The following MED30 variants were observed in gnomAD, a reference collection of about 807,000 sequenced individuals.
MED30 encodes the protein mediator complex subunit 30.
MED30 carries 8 observed loss-of-function variants against 21.7 expected under a neutral mutation model. The ratio of observed to expected loss-of-function variants is 0.37; its 90% CI spans 0.22 to 0.67. The LOEUF (loss-of-function observed/expected upper bound fraction) is 0.67. Among genes scored for constraint, MED30 ranks in the 30% least tolerant of loss-of-function variants. The pLI, the probability that MED30 is intolerant of heterozygous loss-of-function variation, is 0.58. For missense variants in MED30, 203 were observed against 228.2 expected (o/e 0.89, Z 0.71); for synonymous variants, 79 against 86.7 (o/e 0.91, Z 0.49).
intron 3 of MED30, among the ~76,000 whole-genome samples, chr8:117,533,775 G>A (rs557326069): frequency 6.6e-6 from 1 of 152,126 alleles, no homozygotes; most frequent in African/African-American, 2.4e-5. Flanking sequence ...GGTCTGGATG[G>A]AATGCTGGCT....
chr8:117,539,264 C>T (rs903973825), intron 3 of MED30, among the ~76,000 whole-genome samples: 2 of 152,122 alleles, frequency 1.3e-5, no homozygotes, highest in African/African-American at 4.8e-5. Flanking sequence ...GAGGCCAAGA[C>T]GGGCAGATCA....
rs548374393 is a variant in MED30, at chr8:117,538,525, T to C, written c.442-1358T>C. Among the ~76,000 whole-genome samples, 14 of 152,290 alleles carry C rather than the reference T, an allele frequency of 9.2e-5. No individual in the cohort carries two copies. The South Asian group carries it at 2.5e-3, about 27-fold the overall frequency. Reference sequence around the variant, plus strand: ...AAATCAAAAGTAAGATTGTTAGGCCTCTTTTTAATAAGCATACACCAATTT... The same window carrying C: ...AAATCAAAAGTAAGATTGTTAGGCCCCTTTTTAATAAGCATACACCAATTT... On this transcript the variant is annotated intron_variant, in intron 3 of 3. Transcript: ENST00000297347.
At position 117,540,222 on chromosome 8, in the gene MED30, GTTT is replaced by G. The variant is rs562042715; in HGVS notation, c.*249_*251del. 4.2e-6 allele frequency: 1 copy of G among 239,164 alleles called. No homozygotes were observed. 14.8% of individuals were successfully genotyped at this position (239,164 alleles called of 1,614,324 possible). A position where few individuals can be genotyped will look rare whatever the true frequency, so the allele number is the denominator to read the frequency against. On this transcript the variant is annotated 3_prime_UTR_variant, in exon 4 of 4. Transcript: ENST00000297347. The stretch of plus-strand genomic sequence containing the variant: ...GTTAATCTTCATGAATTGAATAATT[GTTT>G]TTTTAAAGCAAAATAAAGTTTTTTA...
At chr8:117,532,604 A>G (rs1818806293) in intron 3 of MED30, among the ~76,000 whole-genome samples, 1 of 152,042 alleles carries the variant, frequency 6.6e-6, no homozygotes, top group Non-Finnish European at 1.5e-5. Context: ...ATCAAAATGA[A>G]TTTCAGAGTT....
chr8:117,527,007 T>C (rs16889833), intron 1 of MED30, among the ~76,000 whole-genome samples: 21,549 of 151,974 alleles, frequency 0.14, 1,678 homozygotes, highest in Non-Finnish European at 0.17. Flanking sequence ...GCCTTCTGTA[T>C]GTGTGCACTA....
chr8:117,539,971 G>A lies in MED30; in HGVS notation c.530G>A (p.Arg177Lys), dbSNP rs140891248. The change falls in exon 4 of 4, where the codon AGG becomes AAG. Residue 177 changes from arginine (R) to lysine (K), a missense_variant. Arg to Lys is a conservative substitution (Grantham distance 26). Coordinates refer to ENST00000297347, the MANE Select transcript of MED30 (RefSeq NM_080651.4). ...IWDINAMLAM[R>K]N The stretch of plus-strand genomic sequence containing the variant: ...GATATAAATGCCATGTTGGCAATGA[G>A]GAACTAAGCTGATATTTAAATTTCC... 1.8e-5 allele frequency: 29 copies of A among 1,585,392 alleles called. No individual in the cohort carries two copies. The African/African-American group carries it at 2.8e-4, about 16-fold the overall frequency.
intron 2 of MED30, among the ~76,000 whole-genome samples, chr8:117,529,085 C>T (rs537895588): frequency 5.9e-5 from 9 of 151,676 alleles, no homozygotes; most frequent in Non-Finnish European, 1.3e-4. Flanking sequence ...TTATTGCTGT[C>T]AGTGTCTCCT....
chr8:117,534,847 A>ATT (rs375406295), intron 3 of MED30, among the ~76,000 whole-genome samples: 22 of 60,530 alleles, frequency 3.6e-4, no homozygotes, highest in African/African-American at 1.1e-3. Context: ...AGGCAAACAA[A>ATT]TTGTTTTTTT....
At chr8:117,531,549 T>G (rs1818792169) in intron 3 of MED30, among the ~76,000 whole-genome samples, 1 of 152,052 alleles carries the variant, frequency 6.6e-6, no homozygotes, top group Admixed American at 6.6e-5. Context: ...ATATGAAGAT[T>G]TTATAGTTCA....
chr8:117,524,240 A>T (rs1465290811), intron 1 of MED30, among the ~76,000 whole-genome samples: 1 of 152,178 alleles, frequency 6.6e-6, no homozygotes, highest in Non-Finnish European at 1.5e-5. Context: ...AAGAGGTGAT[A>T]GAAATAGGAT....
intron 3 of MED30, among the ~76,000 whole-genome samples, chr8:117,535,527 C>T (rs1818863532): frequency 2.0e-5 from 3 of 151,574 alleles, no homozygotes; most frequent in Admixed American, 6.6e-5. Context: ...TGCACCCAGC[C>T]GATACATCTT....
intron 3 of MED30, among the ~76,000 whole-genome samples, chr8:117,539,527 G>T (rs1038360229): frequency 6.6e-6 from 1 of 152,134 alleles, no homozygotes; most frequent in Admixed American, 6.5e-5. Context: ...TGGCTCTAGA[G>T]TATGGGCTCT....
chr8:117,521,088 A>C lies in MED30; in HGVS notation c.177+35A>C, dbSNP rs757755735. ...CGGGCGCGCGAGGCCAGGGGGATGC[A>C]GCTGGGAGGGAAAGGGCCTCTGGTT... On this transcript the variant is annotated intron_variant, in intron 1 of 3. Transcript: ENST00000297347. The C allele has an allele frequency of 1.9e-5, 29 of 1,545,446 alleles. No homozygotes were observed. In the Admixed American group the frequency reaches 5.2e-4, roughly 28 times the overall value.
intron 3 of MED30, among the ~76,000 whole-genome samples, chr8:117,539,455 A>C (rs1427156828): frequency 6.6e-6 from 1 of 151,764 alleles, no homozygotes; most frequent in Non-Finnish European, 1.5e-5. Flanking sequence ...GCGCCACTGC[A>C]CTGCAGCCTG....
At chr8:117,535,054 G>C (rs572105674) in intron 3 of MED30, among the ~76,000 whole-genome samples, 121 of 151,914 alleles carry the variant, frequency 8.0e-4, no homozygotes, top group Non-Finnish European at 1.2e-3. Flanking sequence ...TTCTCCATAT[G>C]AGGATTTAGC....
intron 1 of MED30, among the ~76,000 whole-genome samples, chr8:117,525,343 C>CTT (rs761455880): frequency 1.4e-4 from 19 of 138,450 alleles, no homozygotes; most frequent in African/African-American, 4.5e-4. Flanking sequence ...ATTTGTCTGT[C>CTT]TTTTTTTTTT....
At chr8:117,523,376 G>A (rs1416154852) in intron 1 of MED30, 2 of 1,545,244 alleles carry the variant, frequency 1.3e-6, no homozygotes, top group African/African-American at 1.4e-5. Context: ...ACAGCACTCC[G>A]TCTGTAGGTA....
intron 3 of MED30, among the ~76,000 whole-genome samples, chr8:117,532,171 CT>C (rs1465201255): frequency 1.3e-5 from 2 of 151,910 alleles, no homozygotes; most frequent in Non-Finnish European, 1.5e-5. Context: ...AAATACCAGT[CT>C]TGATTTAATA....
At position 117,533,232 on chromosome 8, in the gene MED30, G is replaced by A. The variant is rs929092928; in HGVS notation, c.441+2405G>A. Among the ~76,000 whole-genome samples the A allele has an allele frequency of 2.6e-5, 4 of 151,626 alleles. No individual in the cohort carries two copies. The East Asian group carries it at 7.8e-4, about 29-fold the overall frequency. ...CAATTTGATAACTTAGAAATAACAT[G>A]TCTTTGACTTTTAAAAGTTCTCTTT... On this transcript the variant is annotated intron_variant, in intron 3 of 3. Transcript: ENST00000297347.
Sources: allele counts gnomAD v4.1 joint callset (sites outside exome capture counted in the v4.1 genomes callset), GRCh38; gene constraint gnomAD v4.1.1; transcripts MANE v1.5; gene names NCBI Gene and HGNC (gene_info 2026-07-23, HGNC 2026-07-21).